FAT3: variants seen among roughly 807,000 people sequenced by gnomAD.
FAT3 encodes the protein protocadherin Fat 3.
A neutral mutation model predicts 310.2 loss-of-function variants in FAT3; 95 were observed. The ratio of observed to expected loss-of-function variants is 0.31; its 90% CI spans 0.26 to 0.36. The LOEUF (loss-of-function observed/expected upper bound fraction) is 0.36. Among genes scored for constraint, FAT3 ranks in the 10% least tolerant of loss-of-function variants. The pLI, the probability that FAT3 is intolerant of heterozygous loss-of-function variation, is 1.00. For missense variants in FAT3, 5,408 were observed against 5,715.6 expected (o/e 0.95, Z 1.74); for synonymous variants, 2,314 against 2,192.9 (o/e 1.06, Z -1.54).
At chr11:92,351,431 A>G (rs867478640) in intron 1 of FAT3, among the ~76,000 whole-genome samples, 39 of 152,296 alleles carry the variant, frequency 2.6e-4, no homozygotes, top group African/African-American at 8.9e-4. Context: ...AAATCCCAAA[A>G]CACAGTTAAT....
At chr11:92,758,346 A>G (rs138166549) in intron 4 of FAT3, among the ~76,000 whole-genome samples, 2 of 152,344 alleles carry the variant, frequency 1.3e-5, no homozygotes, top group African/African-American at 4.8e-5. Context: ...GGGCACCTAC[A>G]TAGGTCTGCA....
chr11:92,409,287 T>C (rs1950201308), intron 2 of FAT3, among the ~76,000 whole-genome samples: 1 of 152,050 alleles, frequency 6.6e-6, no homozygotes, highest in African/African-American at 2.4e-5. Flanking sequence ...TATGTGTGTA[T>C]ATAAACACAC....
intron 22 of FAT3, among the ~76,000 whole-genome samples, chr11:92,868,545 C>A (rs1949304148): frequency 6.6e-6 from 1 of 152,120 alleles, no homozygotes; most frequent in Non-Finnish European, 1.5e-5. Flanking sequence ...AACAATTCTG[C>A]TAGTGTGAGC....
At position 92,831,912 on chromosome 11, in the gene FAT3, G is replaced by T; in HGVS notation, c.9772G>T (p.Val3258Phe). 1 of 1,610,254 alleles carries T rather than the reference G, an allele frequency of 6.2e-7. No homozygotes were observed. Among genetic ancestry groups the T allele is most frequent in the Non-Finnish European group, 8.5e-7 (1 of 1,178,336 alleles). Reference sequence around the variant, plus strand: ...CTCCCCTGGCACCCAAGTCCTTGCTGTTTTTGCCACCAGCAAAGATATTGG... The same window carrying T: ...CTCCCCTGGCACCCAAGTCCTTGCTTTTTTTGCCACCAGCAAAGATATTGG... ...DTSPGTQVLA[V>F]FATSKDIGTN... Residue 3258 changes from valine to phenylalanine, a missense_variant, in exon 14 of 28, where the codon GTT (valine) becomes TTT (phenylalanine). Physicochemically the swap from Val to Phe is conservative, Grantham distance 50. Coordinates refer to ENST00000525166, the MANE Select transcript of FAT3 (RefSeq NM_001367949.2).
intron 2 of FAT3, among the ~76,000 whole-genome samples, chr11:92,462,930 G>T (rs1331275124): frequency 6.6e-6 from 1 of 152,162 alleles, no homozygotes; most frequent in African/African-American, 2.4e-5. Context: ...TTGCCCATTG[G>T]CATTTTTTAA....
intron 2 of FAT3, among the ~76,000 whole-genome samples, chr11:92,420,729 TACAA>T (rs1950518403): frequency 6.6e-6 from 1 of 152,128 alleles, no homozygotes; most frequent in Non-Finnish European, 1.5e-5. Flanking sequence ...GGGAAAAATA[TACAA>T]ACAGATTAAA....
chr11:92,766,152 C>T (rs1274784504), intron 6 of FAT3, among the ~76,000 whole-genome samples: 1 of 152,146 alleles, frequency 6.6e-6, no homozygotes, highest in African/African-American at 2.4e-5. Flanking sequence ...CGCCAGGCTG[C>T]AAAAGGAAAG....
intron 3 of FAT3, among the ~76,000 whole-genome samples, chr11:92,643,217 G>C (rs914092731): frequency 2.6e-5 from 4 of 152,064 alleles, no homozygotes; most frequent in Non-Finnish European, 5.9e-5. Flanking sequence ...CAGATACTGT[G>C]GTCTTGCCCT....
At chr11:92,458,034 G>A (rs965081856) in intron 2 of FAT3, among the ~76,000 whole-genome samples, 4 of 152,214 alleles carry the variant, frequency 2.6e-5, no homozygotes, top group South Asian at 2.1e-4. Context: ...TGAGCAGAAA[G>A]CATCATCTTC....
chr11:92,567,201 A>ATC (rs1955490475), intron 3 of FAT3, among the ~76,000 whole-genome samples: 1 of 117,360 alleles, frequency 8.5e-6, no homozygotes, highest in Admixed American at 8.6e-5. Context: ...GAAAAAAACA[A>ATC]AACCCCATCA....
chr11:92,388,189 T>C (rs1391948695), intron 2 of FAT3, among the ~76,000 whole-genome samples: 1 of 152,204 alleles, frequency 6.6e-6, no homozygotes, highest in Non-Finnish European at 1.5e-5. Context: ...ATTATTTATA[T>C]AGTTTTTTTT....
At chr11:92,418,873 G>A (rs1214152783) in intron 2 of FAT3, among the ~76,000 whole-genome samples, 3 of 152,118 alleles carry the variant, frequency 2.0e-5, no homozygotes, top group African/African-American at 7.2e-5. Flanking sequence ...TCCTTACAAT[G>A]CTTGCAGTCT....
intron 2 of FAT3, among the ~76,000 whole-genome samples, chr11:92,492,993 T>A (rs1298160112): frequency 3.3e-5 from 5 of 152,062 alleles, no homozygotes; most frequent in Non-Finnish European, 7.4e-5. Context: ...TTCTTTACAT[T>A]TTCTACAATT....
chr11:92,400,552 A>T (rs1288800957), intron 2 of FAT3: 1 of 152,298 alleles, frequency 6.6e-6, no homozygotes, highest in Admixed American at 6.5e-5. Flanking sequence ...AAAAGGTCAT[A>T]TCATTGCATA....
intron 1 of FAT3, among the ~76,000 whole-genome samples, chr11:92,245,801 C>T (rs1864879352): frequency 6.6e-6 from 1 of 152,044 alleles, no homozygotes; most frequent in South Asian, 2.1e-4. Flanking sequence ...AGTTTGCAAC[C>T]CCTGCTTTAG....
intron 22 of FAT3, among the ~76,000 whole-genome samples, chr11:92,869,187 C>T (rs1434748470): frequency 6.6e-6 from 1 of 152,098 alleles, no homozygotes; most frequent in Non-Finnish European, 1.5e-5. Context: ...TATCTTTCCT[C>T]ACCTTCATCT....
chr11:92,354,710 G>T lies in FAT3; in HGVS notation c.2598G>T (p.Val866=), dbSNP rs1441543412. The stretch of plus-strand genomic sequence containing the variant: ...AAGACTTAGGTTCTAATGGTGAAGT[G>T]ACTTACTCAGTCTTGACAGATACAC... ...RDKDLGSNGE[V]TYSVLTDTQQ... Residue 866 remains valine, a synonymous_variant, in exon 2 of 28, where the codon GTG becomes GTT. Coordinates refer to ENST00000525166, the MANE Select transcript of FAT3 (RefSeq NM_001367949.2). 1.2e-6 allele frequency: 2 copies of T among 1,613,832 alleles called. No homozygotes were observed. Among genetic ancestry groups the T allele is most frequent in the Middle Eastern group, 3.3e-4 (2 of 6,062 alleles).
intron 3 of FAT3, among the ~76,000 whole-genome samples, chr11:92,551,312 A>G (rs1029122500): frequency 1.3e-5 from 2 of 151,820 alleles, no homozygotes; most frequent in Admixed American, 6.6e-5. Context: ...GTAAATGTCT[A>G]TCCATCTTGG....
chr11:92,295,751 A>C (rs1178317310), intron 1 of FAT3, among the ~76,000 whole-genome samples: 1 of 152,066 alleles, frequency 6.6e-6, no homozygotes, highest in Non-Finnish European at 1.5e-5. Context: ...TGCTTTGCTG[A>C]CTATGGAAAG....
Sources: gnomAD v4.1 joint callset for allele counts (sites outside exome capture counted in the v4.1 genomes callset) on GRCh38, gnomAD v4.1.1 for gene constraint, MANE v1.5 for transcripts, NCBI Gene and HGNC (gene_info 2026-07-23, HGNC 2026-07-21) for gene names.